The following ETFDH variants were observed in gnomAD, a reference collection of about 807,000 sequenced individuals.
The protein encoded by ETFDH is electron transfer flavoprotein dehydrogenase, also known as electron transfer flavoprotein-ubiquinone oxidoreductase, mitochondrial.
In ETFDH, 61 loss-of-function variants were observed where a neutral mutation model predicts 73.2. The ratio of observed to expected loss-of-function variants is 0.83; its 90% CI spans 0.68 to 1.03. The LOEUF (loss-of-function observed/expected upper bound fraction) is 1.03, where lower values mean the gene tolerates loss of function less well. Ranked by LOEUF, ETFDH falls within the 50% of genes least tolerant of loss-of-function variation. The pLI, the probability that ETFDH is intolerant of heterozygous loss-of-function variation, is 0.00. For synonymous variants in ETFDH, 243 were observed against 253.3 expected (o/e 0.96, Z 0.39); for missense variants, 685 against 745.0 (o/e 0.92, Z 0.94).
chr4:158,673,469 C>G (rs997081447), intron 1 of ETFDH, among the ~76,000 whole-genome samples: 3 of 152,164 alleles, frequency 2.0e-5, no homozygotes, highest in Admixed American at 6.5e-5. Context: ...CATATTCTGT[C>G]ATAACTGGCT....
At chr4:158,688,487 C>G (rs1774070040) in intron 5 of ETFDH, among the ~76,000 whole-genome samples, 1 of 150,592 alleles carries the variant, frequency 6.6e-6, no homozygotes, top group South Asian at 2.1e-4. Context: ...AGATCGAGAC[C>G]ATGGGGAAAC....
chr4:158,693,370 G>A (rs1484504186), intron 6 of ETFDH, among the ~76,000 whole-genome samples: 1 of 152,112 alleles, frequency 6.6e-6, no homozygotes, highest in African/African-American at 2.4e-5. Flanking sequence ...ACATTTTTAA[G>A]TTACAGAGGT....
rs77776406 is a variant in ETFDH at position 158,685,340 on chromosome 4, A to G, written c.606+121A>G. 2,941 of 682,342 alleles carry G rather than the reference A, an allele frequency of 4.3e-3. 47 individuals carry two copies. Among genetic ancestry groups the G allele is most frequent in the African/African-American group, 0.039 (2,121 of 54,388 alleles). The allele number at this position is 682,342 out of a possible 1,614,324, so 42.3% of individuals were successfully genotyped here. A position where few individuals can be genotyped will look rare whatever the true frequency, so the allele number is the denominator to read the frequency against. On this transcript the variant is annotated intron_variant, in intron 5 of 12. Transcript: ENST00000511912. ...AAAGCCATGGGATTTTAGAATTATA[A>G]GATTAGAAGGAATCTTTAAAGTATC...
At chr4:158,681,639 A>C (rs1049463270) in intron 2 of ETFDH, 1 of 156,642 alleles carries the variant, frequency 6.4e-6, no homozygotes, top group African/African-American at 2.4e-5. Context: ...CAGATATACC[A>C]TTTTTAAATA....
At chr4:158,705,659 G>GT (rs1463642419) in intron 10 of ETFDH, among the ~76,000 whole-genome samples, 5 of 152,188 alleles carry the variant, frequency 3.3e-5, no homozygotes, top group Non-Finnish European at 7.3e-5. Flanking sequence ...TGCTACCAAT[G>GT]TAAGAAATCA....
In ETFDH at chr4:158,672,508, G is replaced by C; in HGVS notation, c.34+18G>C. 1 of 1,613,874 alleles carries C rather than the reference G, an allele frequency of 6.2e-7. No homozygotes were observed. On this transcript the variant is annotated intron_variant, in intron 1 of 12. Coordinates refer to ENST00000511912, the MANE Select transcript of ETFDH (RefSeq NM_004453.4). ...CTGCCTGGGTGAGAGGAAACGGGCG[G>C]TGGGGATAAGTGGAGGAGTTAGGGC...
Position 158,686,559 on chromosome 4 carries a change from G to C in ETFDH, c.606+1340G>C, listed in dbSNP as rs1262277525. ...TTTTGTGTAGCATTTCTTCCTCCGA[G>C]GTATGGCTGGAGCAGAACTCCTCTG... is the stretch of plus-strand genomic sequence containing the variant. On this transcript the variant is annotated intron_variant, in intron 5 of 12. Coordinates refer to ENST00000511912, the MANE Select transcript of ETFDH (RefSeq NM_004453.4). Among the ~76,000 whole-genome samples, 3 of 152,160 alleles carry C rather than the reference G, an allele frequency of 2.0e-5. No individual in the cohort carries two copies. In the East Asian group the frequency reaches 5.8e-4, roughly 29 times the overall value.
At chr4:158,690,475 A>G (rs1774136454) in intron 6 of ETFDH, 50 bp downstream of exon 6, 2 of 1,084,154 alleles carry the variant, frequency 1.8e-6, no homozygotes. Context: ...AACAACAGAA[A>G]GAACTGTGTG....
At chr4:158,682,496 T>G in intron 3 of ETFDH, 72 bp downstream of exon 3, 3 of 1,200,662 alleles carry the variant, frequency 2.5e-6, no homozygotes, top group South Asian at 2.5e-5. Flanking sequence ...CCCAAATTAC[T>G]GGAATATAGG....
At chr4:158,692,306 A>T (rs1442794213) in intron 6 of ETFDH, among the ~76,000 whole-genome samples, 2 of 150,952 alleles carry the variant, frequency 1.3e-5, no homozygotes. Flanking sequence ...AGGCTGAGGC[A>T]GGAGAATGGC....
chr4:158,677,207 A>G (rs1301801378), intron 1 of ETFDH, among the ~76,000 whole-genome samples: 1 of 152,238 alleles, frequency 6.6e-6, no homozygotes, highest in African/African-American at 2.4e-5. Context: ...TGTGAGGACC[A>G]TGACCCACGA....
In ETFDH at chr4:158,706,677, A is replaced by C. The variant is rs1271863167; in HGVS notation, c.1517A>C (p.Glu506Ala). The C allele has an allele frequency of 6.2e-7, 1 of 1,614,170 alleles. No homozygotes were observed. The highest frequency in any genetic ancestry group is 8.5e-7 in the Non-Finnish European group (1 of 1,180,024). ...LKPAKDCTPI[E>A]YPKPDGQISF... The stretch of plus-strand genomic sequence containing the variant: ...CCAGCCAAGGATTGCACACCTATTG[A>C]GTATCCAAAACCCGATGGACAGATC... Residue 506 changes from glutamate to alanine, a missense_variant, in exon 12 of 13, where the codon GAG (glutamate) becomes GCG (alanine). Coordinates refer to ENST00000511912, the MANE Select transcript of ETFDH (RefSeq NM_004453.4).
intron 6 of ETFDH, among the ~76,000 whole-genome samples, chr4:158,694,075 C>G (rs975295784): frequency 2.0e-5 from 3 of 152,100 alleles, no homozygotes; most frequent in Admixed American, 2.0e-4. Flanking sequence ...ACCCTCTGCT[C>G]TCTTTCATAG....
chr4:158,672,553 C>G, intron 1 of ETFDH, 63 bp downstream of exon 1: 1 of 1,527,554 alleles, frequency 6.5e-7, no homozygotes, highest in African/African-American at 1.4e-5. Context: ...AAGGCCGGTC[C>G]TGGGGGCTGT....
chr4:158,693,766 A>G (rs114894028), intron 6 of ETFDH, among the ~76,000 whole-genome samples: 1,771 of 152,316 alleles, frequency 0.012, 26 homozygotes, highest in African/African-American at 0.038. Context: ...AACTTAATAT[A>G]TAAAAGTTAA....
chr4:158,692,743 C>G (rs1162080165), intron 6 of ETFDH, among the ~76,000 whole-genome samples: 2 of 149,238 alleles, frequency 1.3e-5, no homozygotes, highest in Non-Finnish European at 3.0e-5. Flanking sequence ...TCTGATATTT[C>G]ATTTTTGTGT....
At chr4:158,672,584 C>G (rs144344298) in intron 1 of ETFDH, 94 bp downstream of exon 1, 1 of 1,270,822 alleles carries the variant, frequency 7.9e-7, no homozygotes, top group Non-Finnish European at 1.2e-6. Flanking sequence ...CGCCCCTTCT[C>G]TCATCAGCTT....
chr4:158,689,621 TATATATATATATATA>T lies in ETFDH; in HGVS notation c.607-726_607-712del, dbSNP rs1580405226. 2.3e-4 allele frequency among the ~76,000 whole-genome samples: 26 copies of T among 113,652 alleles called. 1 individual carries two copies. The South Asian group carries it at 4.7e-3, about 20-fold the overall frequency. 74.6% of individuals were successfully genotyped at this position (113,652 alleles called of 152,430 possible). On this transcript the variant is annotated intron_variant, in intron 5 of 12. Transcript: ENST00000511912. Reference sequence around the variant, plus strand: ...ATATATATATATATATATATATATATATATATATATATATATTGTGGGGGGGTGGGTTCATATCCA... The same window carrying T: ...ATATATATATATATATATATATATATTTGTGGGGGGGTGGGTTCATATCCA...
Position 158,697,712 on chromosome 4 carries a change from C to T in ETFDH, c.972+13C>T, listed in dbSNP as rs199589412. The T allele has an allele frequency of 1.7e-4, 269 of 1,610,150 alleles. No homozygotes were observed. Among genetic ancestry groups the T allele is most frequent in the Non-Finnish European group, 2.2e-4 (262 of 1,176,666 alleles). ...TCTTGGTCTTGTGGTAAGTTATATT[C>T]CCATTAGGGAAAATTCTGCTGCTAG... On this transcript the variant is annotated intron_variant, in intron 8 of 12. Transcript: ENST00000511912.
Sources: allele counts gnomAD v4.1 joint callset (sites outside exome capture counted in the v4.1 genomes callset), GRCh38; gene constraint gnomAD v4.1.1; transcripts MANE v1.5; gene names NCBI Gene and HGNC (gene_info 2026-07-23, HGNC 2026-07-21).